Variants in FGF13 observed in about 807,000 individuals in gnomAD.
FGF13 encodes fibroblast growth factor homologous factor 2.
A neutral mutation model predicts 19.5 loss-of-function variants in FGF13; 2 were observed. The observed-to-expected ratio is 0.10, with a 90% confidence interval of 0.04 to 0.32. The LOEUF (loss-of-function observed/expected upper bound fraction) is 0.32. Ranked by LOEUF, FGF13 falls within the 10% of genes least tolerant of loss-of-function variation. The pLI is 1.00. For missense variants in FGF13, 113 were observed against 192.7 expected (o/e 0.59, Z 2.45); for synonymous variants, 72 against 76.9 (o/e 0.94, Z 0.33).
intron 1 of FGF13, among the ~76,000 whole-genome samples, chrX:139,029,635 C>G (rs2092218737): frequency 9.0e-6 from 1 of 111,610 alleles, no homozygotes; most frequent in African/African-American, 3.3e-5. Flanking sequence ...AATTTAGTTT[C>G]TAGATCCAGC....
At chrX:138,840,267 G>C (rs760708645) in intron 3 of FGF13, among the ~76,000 whole-genome samples, 1 of 112,118 alleles carries the variant, frequency 8.9e-6, no homozygotes, top group Non-Finnish European at 1.9e-5. Context: ...CAGCAGTGCT[G>C]ATTCTATGAA....
chrX:139,109,353 T>G (rs2083584581), intron 1 of FGF13, among the ~76,000 whole-genome samples: 2 of 111,244 alleles, frequency 1.8e-5, no homozygotes, highest in Non-Finnish European at 3.8e-5. Context: ...ACATGTGGAG[T>G]AAGCACTTTA....
At chrX:139,112,252 C>T (rs1323138055) in intron 1 of FGF13, among the ~76,000 whole-genome samples, 1 of 111,445 alleles carries the variant, frequency 9.0e-6, no homozygotes, top group Non-Finnish European at 1.9e-5. Context: ...TTATGATACA[C>T]TTACTTCACA....
At position 138,935,306 on chromosome X, in the gene FGF13, G is replaced by GA. The variant is rs762292100; in HGVS notation, c.-112-70657dup. Among the ~76,000 whole-genome samples the GA allele has an allele frequency of 1.9e-3, 204 of 106,743 alleles. 1 individual carries two copies. Among genetic ancestry groups the GA allele is most frequent in the East Asian group, 4.1e-3 (14 of 3,375 alleles). The allele number at this position is 106,743 out of a possible 115,157, so 92.7% of individuals were successfully genotyped here. ...GCGGGCCACAGTTTGGGGAAAAAAT[G>GA]AAAAAAAAAATGCTCTTTCACACAG... is the stretch of plus-strand genomic sequence containing the variant. On this transcript the variant is annotated intron_variant, in intron 1 of 2. Transcript: ENST00000421460.
At chrX:139,052,199 A>G (rs1332376461) in intron 1 of FGF13, among the ~76,000 whole-genome samples, 1 of 108,539 alleles carries the variant, frequency 9.2e-6, no homozygotes, top group Non-Finnish European at 1.9e-5. Flanking sequence ...ACACACACAC[A>G]CTCATTACAC....
At position 139,056,163 on chromosome X, in the gene FGF13, T is replaced by C. The variant is rs150233283; in HGVS notation, c.-113+147253A>G. 2.3e-3 allele frequency among the ~76,000 whole-genome samples: 256 copies of C among 112,426 alleles called. 2 individuals carry two copies. The highest frequency in any genetic ancestry group is 7.7e-3 in the African/African-American group (238 of 30,976). On this transcript the variant is annotated intron_variant, in intron 1 of 2. Coordinates refer to the FGF13 transcript ENST00000421460. ...GCAAAGAATCTAAAAGTACCAACCA[T>C]ATAAGGAACACCTACTAGTACTACG...
chrX:139,033,295 A>G (rs1274184740), intron 1 of FGF13, among the ~76,000 whole-genome samples: 1 of 111,959 alleles, frequency 8.9e-6, no homozygotes, highest in Non-Finnish European at 1.9e-5. Context: ...ACTAATAAAA[A>G]TGATTAAATG....
At chrX:138,786,372 T>C (rs1017200568) in intron 3 of FGF13, among the ~76,000 whole-genome samples, 25 of 111,587 alleles carry the variant, frequency 2.2e-4, no homozygotes, top group African/African-American at 8.2e-4. Flanking sequence ...ACCCACTCTG[T>C]ATCTGCACCT....
chrX:138,751,766 C>T (rs921259361), intron 3 of FGF13, among the ~76,000 whole-genome samples: 1 of 111,541 alleles, frequency 9.0e-6, no homozygotes, highest in Admixed American at 9.5e-5. Flanking sequence ...AAAGTAATGA[C>T]GTGATGAGGG....
chrX:138,863,814 C>A (rs1303014516), intron 2 of FGF13, among the ~76,000 whole-genome samples: 2 of 112,114 alleles, frequency 1.8e-5, no homozygotes, highest in Non-Finnish European at 3.8e-5. Context: ...AAACCAGGAG[C>A]CTCACCCTGA....
chrX:138,813,410 CCTCT>C, intron 3 of FGF13, among the ~76,000 whole-genome samples: 1 of 111,406 alleles, frequency 9.0e-6, no homozygotes, highest in African/African-American at 3.3e-5. Context: ...TCTAATTCTC[CCTCT>C]CTTTCTTCTC....
chrX:138,786,485 G>A (rs1331039507), intron 3 of FGF13, among the ~76,000 whole-genome samples: 2 of 111,733 alleles, frequency 1.8e-5, no homozygotes, highest in Non-Finnish European at 3.8e-5. Context: ...CTTCCTTGGG[G>A]GACTACTTTC....
intron 1 of FGF13, among the ~76,000 whole-genome samples, chrX:139,011,361 C>CAAAAAAAAAAAAAAA (rs3047329): frequency 1.2e-5 from 1 of 82,929 alleles, no homozygotes; most frequent in Non-Finnish European, 2.3e-5. Context: ...AACAAACAAA[C>CAAAAAAAAAAAAAAA]AAAAAAAAAA....
chrX:138,676,277 A>G (rs1271068760), intron 3 of FGF13, among the ~76,000 whole-genome samples: 1 of 110,652 alleles, frequency 9.0e-6, no homozygotes, highest in African/African-American at 3.3e-5. Context: ...GCCTGGCCCC[A>G]CCAAGCCTAC....
intron 3 of FGF13, among the ~76,000 whole-genome samples, chrX:138,788,722 T>C (rs2090714573): frequency 8.9e-6 from 1 of 112,251 alleles, no homozygotes; most frequent in Non-Finnish European, 1.9e-5. Context: ...CTGATTATGT[T>C]TGTGGTTGAC....
intron 3 of FGF13, among the ~76,000 whole-genome samples, chrX:138,836,536 C>G (rs902717704): frequency 1.8e-5 from 2 of 111,966 alleles, no homozygotes; most frequent in African/African-American, 6.5e-5. Context: ...TCAGCTCTAT[C>G]AGGTTGGTTA....
chrX:138,806,184 G>T (rs2090865541), intron 3 of FGF13, among the ~76,000 whole-genome samples: 1 of 111,373 alleles, frequency 9.0e-6, no homozygotes, highest in African/African-American at 3.3e-5. Context: ...TATTTTTTCT[G>T]CTATATAACT....
At chrX:138,824,746 G>A (rs2091022718) in intron 3 of FGF13, among the ~76,000 whole-genome samples, 1 of 111,488 alleles carries the variant, frequency 9.0e-6, no homozygotes, top group Admixed American at 9.6e-5. Flanking sequence ...TTTGGTCTTT[G>A]AAGAAAAGTG....
intron 1 of FGF13, among the ~76,000 whole-genome samples, chrX:139,136,897 A>C (rs1326510647): frequency 5.4e-5 from 6 of 111,941 alleles, no homozygotes; most frequent in Non-Finnish European, 1.1e-4. Context: ...ACACTTTATC[A>C]ATTAAAGAAT....
Sources: gnomAD v4.1 joint callset for allele counts (sites outside exome capture counted in the v4.1 genomes callset) on GRCh38, gnomAD v4.1.1 for gene constraint, MANE v1.5 for transcripts, NCBI Gene and HGNC (gene_info 2026-07-23, HGNC 2026-07-21) for gene names.